CAMK1D: variants seen among roughly 807,000 people sequenced by gnomAD.
CAMK1D encodes calcium/calmodulin-dependent protein kinase type 1D.
Under a neutral mutation model 47.7 loss-of-function variants are expected in CAMK1D, and 9 were observed. That is an observed-to-expected ratio of 0.19 (90% CI 0.11 to 0.33). The LOEUF (loss-of-function observed/expected upper bound fraction) is 0.33. CAMK1D is among the 10% of genes least tolerant of loss of function. The probability of loss-of-function intolerance (pLI) is 1.00; values close to 1 mark genes in which losing one functional copy is unlikely to be tolerated. For synonymous variants in CAMK1D, 184 were observed against 184.9 expected (o/e 0.99, Z 0.04); for missense variants, 291 against 488.7 (o/e 0.60, Z 3.81).
rs1303690888 is a variant in CAMK1D, at chr10:12,826,107, A to G, written c.1039+417A>G. ...AGCTGAGATCACACCACTGCACTCC[A>G]GCCTGGGTGACAGATTGAGACTCCC... On this transcript the variant is annotated intron_variant, in intron 10 of 10. Coordinates refer to ENST00000619168, the MANE Select transcript of CAMK1D (RefSeq NM_153498.4). 4 of 163,600 alleles carry G rather than the reference A, an allele frequency of 2.4e-5. No individual in the cohort carries two copies. The East Asian group carries it at 7.1e-4, about 29-fold the overall frequency. The allele number at this position is 163,600 out of a possible 1,614,324, so 10.1% of individuals were successfully genotyped here.
intron 4 of CAMK1D, among the ~76,000 whole-genome samples, chr10:12,766,589 A>G (rs1279378938): frequency 2.6e-5 from 4 of 151,058 alleles, no homozygotes; most frequent in Non-Finnish European, 5.9e-5. Context: ...TCTTTGTTAG[A>G]AAAAAAAATA....
At chr10:12,722,526 A>G (rs1425406814) in intron 3 of CAMK1D, among the ~76,000 whole-genome samples, 1 of 150,452 alleles carries the variant, frequency 6.6e-6, no homozygotes, top group African/African-American at 2.4e-5. Flanking sequence ...GTTATCCCCT[A>G]GAAGTTATAG....
At chr10:12,395,562 G>A (rs1183923504) in intron 1 of CAMK1D, among the ~76,000 whole-genome samples, 2 of 152,126 alleles carry the variant, frequency 1.3e-5, no homozygotes, top group African/African-American at 2.4e-5. Context: ...CAGGGCTTCT[G>A]ACACCTAATG....
intron 1 of CAMK1D, among the ~76,000 whole-genome samples, chr10:12,352,939 G>A (rs1387936237): frequency 5.9e-5 from 9 of 152,042 alleles, no homozygotes; most frequent in East Asian, 3.9e-4. Flanking sequence ...GGGTTTCACC[G>A]TGTTAGCCAG....
intron 6 of CAMK1D, among the ~76,000 whole-genome samples, chr10:12,804,731 C>T (rs1025945256): frequency 8.1e-5 from 12 of 147,804 alleles, no homozygotes; most frequent in South Asian, 2.1e-4. Flanking sequence ...CCTAGGAGTT[C>T]GAGACCAGCC....
At chr10:12,725,635 A>G (rs1177878914) in intron 3 of CAMK1D, among the ~76,000 whole-genome samples, 1 of 152,214 alleles carries the variant, frequency 6.6e-6, no homozygotes, top group Non-Finnish European at 1.5e-5. Context: ...TCATTTCGGC[A>G]TCTTGCAGGA....
chr10:12,351,709 G>A (rs926049893), intron 1 of CAMK1D, among the ~76,000 whole-genome samples: 1 of 152,184 alleles, frequency 6.6e-6, no homozygotes, highest in Non-Finnish European at 1.5e-5. Flanking sequence ...GGAGATGACT[G>A]TGGGTGGTTT....
intron 2 of CAMK1D, among the ~76,000 whole-genome samples, chr10:12,626,462 AT>A (rs1232761827): frequency 2.1e-5 from 3 of 143,312 alleles, no homozygotes; most frequent in Admixed American, 1.4e-4. Flanking sequence ...GTATTCACCA[AT>A]TTTCTTTCTT....
At position 12,515,525 on chromosome 10, in the gene CAMK1D, G is replaced by A. The variant is rs972035340; in HGVS notation, c.93-37700G>A. On this transcript the variant is annotated intron_variant, in intron 1 of 10. Transcript: ENST00000619168. ...GCTGGTGCGCTGCACCCACTAACTC[G>A]TCATCTAGCATTAGGTATATCTCCC... is the stretch of plus-strand genomic sequence containing the variant. 5.9e-5 allele frequency among the ~76,000 whole-genome samples: 8 copies of A among 136,346 alleles called. No individual in the cohort carries two copies. The Admixed American group carries it at 6.1e-4, about 10-fold the overall frequency. The allele number at this position is 136,346 out of a possible 152,430, so 89.4% of individuals were successfully genotyped here.
At chr10:12,401,193 T>A (rs1405356110) in intron 1 of CAMK1D, among the ~76,000 whole-genome samples, 1 of 48,576 alleles carries the variant, frequency 2.1e-5, no homozygotes, top group African/African-American at 9.5e-5. Flanking sequence ...ATATATATAT[T>A]TTATATATAT....
At chr10:12,566,528 G>A (rs1837129984) in intron 2 of CAMK1D, among the ~76,000 whole-genome samples, 1 of 152,208 alleles carries the variant, frequency 6.6e-6, no homozygotes. Flanking sequence ...AGTCACCAGA[G>A]CATTAGAACT....
chr10:12,369,612 G>A (rs1837947328), intron 1 of CAMK1D, among the ~76,000 whole-genome samples: 1 of 152,140 alleles, frequency 6.6e-6, no homozygotes, highest in Non-Finnish European at 1.5e-5. Flanking sequence ...TGTCAAAGAG[G>A]ACGCCGGCTT....
chr10:12,755,580 GACTT>G (rs1426713352), intron 3 of CAMK1D, among the ~76,000 whole-genome samples: 1 of 152,146 alleles, frequency 6.6e-6, no homozygotes, highest in Non-Finnish European at 1.5e-5. Context: ...TCGCCACACT[GACTT>G]CCACAATGGT....
chr10:12,379,849 C>G (rs1838288012), intron 1 of CAMK1D, among the ~76,000 whole-genome samples: 1 of 152,108 alleles, frequency 6.6e-6, no homozygotes, highest in Non-Finnish European at 1.5e-5. Context: ...CTACTCCTGG[C>G]TAAATATCTT....
intron 2 of CAMK1D, among the ~76,000 whole-genome samples, chr10:12,645,457 C>T (rs533385038): frequency 6.6e-6 from 1 of 152,268 alleles, no homozygotes; most frequent in Non-Finnish European, 1.5e-5. Flanking sequence ...TATCTGGTCT[C>T]CCAGAGATAG....
chr10:12,805,858 G>C (rs1042992750), intron 6 of CAMK1D, among the ~76,000 whole-genome samples: 1 of 152,196 alleles, frequency 6.6e-6, no homozygotes, highest in Admixed American at 6.5e-5. Context: ...TATAGGACCA[G>C]GGTTGCAAAA....
At chr10:12,727,193 G>C (rs1834684174) in intron 3 of CAMK1D, among the ~76,000 whole-genome samples, 1 of 152,212 alleles carries the variant, frequency 6.6e-6, no homozygotes, top group Admixed American at 6.5e-5. Context: ...GCCTCGTTTT[G>C]ATGATGCTAG....
Position 12,809,316 on chromosome 10 carries a change from G to A in CAMK1D, c.642-4879G>A, listed in dbSNP as rs147983047. 2.2e-3 allele frequency among the ~76,000 whole-genome samples: 340 copies of A among 152,314 alleles called. 3 individuals carry two copies. Among genetic ancestry groups the A allele is most frequent in the African/African-American group, 7.7e-3 (321 of 41,558 alleles). On this transcript the variant is annotated intron_variant, in intron 6 of 10. Transcript: ENST00000619168. ...CAAAAAGGCAAGGGCTGGGGAGGATGTGTGGGTGTAGACTCTATGGAAAAC... is the reference window on the plus strand; with the variant it reads ...CAAAAAGGCAAGGGCTGGGGAGGATATGTGGGTGTAGACTCTATGGAAAAC...
intron 2 of CAMK1D, among the ~76,000 whole-genome samples, chr10:12,651,430 C>T (rs1011399990): frequency 5.3e-5 from 8 of 152,328 alleles, no homozygotes; most frequent in African/African-American, 1.4e-4. Context: ...CTCACTCTGT[C>T]ACTCAGGCTG....
Sources: gnomAD v4.1 joint callset for allele counts (sites outside exome capture counted in the v4.1 genomes callset) on GRCh38, gnomAD v4.1.1 for gene constraint, MANE v1.5 for transcripts, NCBI Gene and HGNC (gene_info 2026-07-23, HGNC 2026-07-21) for gene names.